The following PMEPA1 variants were observed in gnomAD, a reference collection of about 807,000 sequenced individuals.
PMEPA1 encodes protein TMEPAI.
In PMEPA1, 11 loss-of-function variants were observed where a neutral mutation model predicts 23.0. That is an observed-to-expected ratio of 0.48 (90% CI 0.30 to 0.79). PMEPA1 has a LOEUF of 0.79. Among genes scored for constraint, PMEPA1 ranks in the 30% least tolerant of loss-of-function variants. The pLI is 0.06. For missense variants in PMEPA1, 377 were observed against 390.9 expected (o/e 0.96, Z 0.30); for synonymous variants, 204 against 166.4 (o/e 1.23, Z -1.74).
rs761185675 is a variant in PMEPA1, at chr20:57,659,624, C to G, written c.183G>C (p.Leu61=). ...GTGCAGACAGCTTGTAGTGGCTCAG[C>G]AGGCACGTGATCACCACCACCATCA... ...MMVMVVVITC[L]LSHYKLSARS... Residue 61 remains leucine (L), a synonymous_variant, in exon 2 of 4, where the codon CTG becomes CTC. Transcript: ENST00000341744. 1 of 1,612,676 alleles carries G rather than the reference C, an allele frequency of 6.2e-7. No homozygotes were observed. Among genetic ancestry groups the G allele is most frequent in the Non-Finnish European group, 8.5e-7 (1 of 1,179,412 alleles).
At chr20:57,708,045 T>A (rs567500016) in intron 1 of PMEPA1, among the ~76,000 whole-genome samples, 201 of 151,902 alleles carry the variant, frequency 1.3e-3, no homozygotes, top group African/African-American at 4.5e-3. Flanking sequence ...GGAGGGAGTG[T>A]GGAGAGGTGG....
intron 1 of PMEPA1, 110 bp from the exon 2 acceptor site, chr20:57,659,807 C>T (rs2071387243): frequency 3.9e-6 from 4 of 1,024,120 alleles, no homozygotes; most frequent in Non-Finnish European, 2.8e-6. Context: ...AGAGTGCAAC[C>T]CAGACTCAGG....
At chr20:57,671,866 C>T (rs1028283267) in intron 1 of PMEPA1, among the ~76,000 whole-genome samples, 7 of 152,230 alleles carry the variant, frequency 4.6e-5, no homozygotes, top group Non-Finnish European at 1.0e-4. Context: ...CCAGGGATTG[C>T]CAAACGCCCC....
At position 57,651,390 on chromosome 20, in the gene PMEPA1, AG is replaced by A. The variant is rs2071226021; in HGVS notation, c.*662del. The A allele has an allele frequency of 1.3e-5, 2 of 152,702 alleles. No individual in the cohort carries two copies. Among genetic ancestry groups the A allele is most frequent in the Admixed American group, 6.5e-5 (1 of 15,290 alleles). The allele number at this position is 152,702 out of a possible 1,614,324, so 9.5% of individuals were successfully genotyped here. A position where few individuals can be genotyped will look rare whatever the true frequency, so the allele number is the denominator to read the frequency against. On this transcript the variant is annotated 3_prime_UTR_variant, in exon 4 of 4. Coordinates refer to ENST00000341744, the MANE Select transcript of PMEPA1 (RefSeq NM_020182.5). Reference sequence around the variant, plus strand: ...CCCTTAAAGTCTCAACAGACACAAGAGAAGTTTCCATCAAGCAAGCACTGAC... The same window carrying A: ...CCCTTAAAGTCTCAACAGACACAAGAAAGTTTCCATCAAGCAAGCACTGAC...
At chr20:57,658,119 C>T (rs191685709) in intron 2 of PMEPA1, among the ~76,000 whole-genome samples, 82 of 152,328 alleles carry the variant, frequency 5.4e-4, no homozygotes, top group Admixed American at 1.4e-3. Flanking sequence ...GGGAGTTCAC[C>T]GTCAGAGGCG....
intron 1 of PMEPA1, among the ~76,000 whole-genome samples, chr20:57,707,396 A>C (rs921880728): frequency 1.3e-4 from 20 of 152,218 alleles, no homozygotes; most frequent in African/African-American, 4.8e-4. Context: ...CGTGCCTTGC[A>C]GCTTTCTTCC....
At chr20:57,661,406 C>T (rs1336809097) in intron 1 of PMEPA1, among the ~76,000 whole-genome samples, 1 of 152,236 alleles carries the variant, frequency 6.6e-6, no homozygotes, top group Non-Finnish European at 1.5e-5. Flanking sequence ...CCTCCAGCTT[C>T]GCCCTGCCCA....
intron 1 of PMEPA1, among the ~76,000 whole-genome samples, chr20:57,666,246 C>G (rs2071490639): frequency 6.6e-6 from 1 of 152,136 alleles, no homozygotes. Context: ...CAGGCACAGT[C>G]CCTCTGGGAG....
intron 1 of PMEPA1, among the ~76,000 whole-genome samples, chr20:57,687,869 G>A (rs1371972528): frequency 6.6e-6 from 1 of 152,118 alleles, no homozygotes; most frequent in East Asian, 1.9e-4. Context: ...AGCCCACAAG[G>A]GCCCCCAGCA....
rs1159495786 is a variant in PMEPA1, at chr20:57,655,401, C to T, written c.265-2315G>A. ...CCCGGTGGCCTATTCAGGGGTCTCACTCGCCCTGCAGGAGCTGCTACCGTT... is the reference window on the plus strand; with the variant it reads ...CCCGGTGGCCTATTCAGGGGTCTCATTCGCCCTGCAGGAGCTGCTACCGTT... On this transcript the variant is annotated intron_variant, in intron 2 of 3. Coordinates refer to ENST00000341744, the MANE Select transcript of PMEPA1 (RefSeq NM_020182.5). This position sits in a 1 kb window ranked among gnomAD's most constrained non-coding sequence, Gnocchi z 4.2. Among the ~76,000 whole-genome samples, 1 of 152,230 alleles carries T rather than the reference C, an allele frequency of 6.6e-6. No homozygotes were observed. Among genetic ancestry groups the T allele is most frequent in the Non-Finnish European group, 1.5e-5 (1 of 68,044 alleles).
intron 1 of PMEPA1, among the ~76,000 whole-genome samples, chr20:57,708,203 C>A (rs774842253): frequency 6.6e-6 from 1 of 152,242 alleles, no homozygotes; most frequent in Non-Finnish European, 1.5e-5. Flanking sequence ...CATTCCACAG[C>A]GGCTGCTTCT....
At chr20:57,710,048 G>T, upstream of PMEPA1, 1 of 1,001,088 alleles carries the variant, frequency 1.0e-6, no homozygotes, top group Non-Finnish European at 1.2e-6. Context: ...GGTTCCCACC[G>T]CGCGGGGGCC....
intron 1 of PMEPA1, among the ~76,000 whole-genome samples, chr20:57,674,103 G>A (rs1600646160): frequency 6.6e-6 from 1 of 152,128 alleles, no homozygotes; most frequent in African/African-American, 2.4e-5. Context: ...AGACCTCTGT[G>A]CCCCTCCAAC....
upstream of PMEPA1, chr20:57,710,081 C>T: frequency 1.0e-6 from 1 of 968,800 alleles, no homozygotes; most frequent in Non-Finnish European, 1.2e-6. Context: ...CGCGCTGCGC[C>T]AATCCCCGCC....
rs2071313318 is a variant in PMEPA1 at position 57,655,422 on chromosome 20, C to T, written c.265-2336G>A. Among the ~76,000 whole-genome samples the T allele has an allele frequency of 6.6e-6, 1 of 152,238 alleles. No individual in the cohort carries two copies. The highest frequency in any genetic ancestry group is 1.5e-5 in the Non-Finnish European group (1 of 68,044). On this transcript the variant is annotated intron_variant, in intron 2 of 3. Coordinates refer to ENST00000341744, the MANE Select transcript of PMEPA1 (RefSeq NM_020182.5). This position sits in a 1 kb window ranked among gnomAD's most constrained non-coding sequence, Gnocchi z 4.2. ...CTCACTCGCCCTGCAGGAGCTGCTACCGTTTCCCCAGTGCCAGGCGCCGGC... is the reference window on the plus strand; with the variant it reads ...CTCACTCGCCCTGCAGGAGCTGCTATCGTTTCCCCAGTGCCAGGCGCCGGC...
intron 1 of PMEPA1, among the ~76,000 whole-genome samples, chr20:57,687,916 T>TC (rs2071822398): frequency 1.3e-5 from 2 of 151,994 alleles, no homozygotes; most frequent in South Asian, 2.1e-4. Context: ...AGTCTATGGG[T>TC]TCCCTGTCCA....
intron 2 of PMEPA1, among the ~76,000 whole-genome samples, chr20:57,657,256 G>T (rs1318749926): frequency 3.3e-5 from 5 of 152,182 alleles, no homozygotes; most frequent in Non-Finnish European, 7.3e-5. Flanking sequence ...GGCTCCGAGG[G>T]GCAAGGTGAG....
intron 1 of PMEPA1, among the ~76,000 whole-genome samples, chr20:57,665,840 T>G (rs1468495163): frequency 1.3e-5 from 2 of 152,202 alleles, no homozygotes; most frequent in East Asian, 3.9e-4. Flanking sequence ...GGATCCCATG[T>G]TTATATTGGT....
chr20:57,704,713 T>C lies in PMEPA1; in HGVS notation c.109+4761A>G, dbSNP rs1372332474. Among the ~76,000 whole-genome samples, 1 of 152,218 alleles carries C rather than the reference T, an allele frequency of 6.6e-6. No individual in the cohort carries two copies. Among genetic ancestry groups the C allele is most frequent in the Non-Finnish European group, 1.5e-5 (1 of 68,046 alleles). On this transcript the variant is annotated intron_variant, in intron 1 of 3. Transcript: ENST00000341744. The surrounding 1 kb of genome is among the most constrained non-coding windows in gnomAD (Gnocchi z 4.6). ...CAAACATTTTCTGGCTTTTAAACTA[T>C]TGACCGGACTATAAACGTTTAAACC...
Sources: gnomAD v4.1 joint callset for allele counts (sites outside exome capture counted in the v4.1 genomes callset) on GRCh38, gnomAD v4.1.1 for gene constraint, Gnocchi (gnomAD v3.1) non-coding constraint, MANE v1.5 for transcripts, NCBI Gene and HGNC (gene_info 2026-07-23, HGNC 2026-07-21) for gene names.